The following TENM4 variants were observed in gnomAD, a reference collection of about 807,000 sequenced individuals.
The protein encoded by TENM4 is teneurin-4.
TENM4 carries 82 observed loss-of-function variants against 243.3 expected under a neutral mutation model. That is an observed-to-expected ratio of 0.34 (90% CI 0.28 to 0.40). The LOEUF (loss-of-function observed/expected upper bound fraction) is 0.40. Ranked by LOEUF, TENM4 falls within the 10% of genes least tolerant of loss-of-function variation. TENM4 has a pLI of 1.00. For missense variants in TENM4, 3,138 were observed against 3,673.3 expected (o/e 0.85, Z 3.77); for synonymous variants, 1,412 against 1,456.3 (o/e 0.97, Z 0.69).
chr11:78,812,413 T>C, intron 13 of TENM4, 97 bp from the exon 14 acceptor site: 2 of 1,359,596 alleles, frequency 1.5e-6, no homozygotes, highest in Admixed American at 4.2e-5. Context: ...GCTTCACCAG[T>C]AGCCTCAACT....
intron 5 of TENM4, among the ~76,000 whole-genome samples, chr11:79,069,414 G>A (rs1415665401): frequency 6.6e-6 from 1 of 152,204 alleles, no homozygotes; most frequent in East Asian, 1.9e-4. Context: ...GTTGAGGACT[G>A]AGGCTTAGAG....
At chr11:78,855,471 G>A (rs1008898176) in intron 11 of TENM4, among the ~76,000 whole-genome samples, 5 of 152,200 alleles carry the variant, frequency 3.3e-5, no homozygotes, top group African/African-American at 1.2e-4. Context: ...GACTAGGGAA[G>A]AATCATTTAT....
Position 78,881,977 on chromosome 11 carries a change from C to T in TENM4, c.1084+7808G>A, listed in dbSNP as rs78715481. Among the ~76,000 whole-genome samples, 235 of 152,316 alleles carry T rather than the reference C, an allele frequency of 1.5e-3. 2 individuals carry two copies. The highest frequency in any genetic ancestry group is 0.012 in the East Asian group (61 of 5,186). On this transcript the variant is annotated intron_variant, in intron 9 of 33. Transcript: ENST00000278550. ...AGGAATCGATCTTGGAGAGAGAAGG[C>T]GTTAATGCAGGATCCTGTATCTTTA...
chr11:78,848,152 CTT>C (rs1222205082), intron 12 of TENM4, among the ~76,000 whole-genome samples: 2 of 143,802 alleles, frequency 1.4e-5, no homozygotes, highest in Admixed American at 7.0e-5. Flanking sequence ...TCCCTCCCTC[CTT>C]TTTTTTTTTT....
rs1010508551 is a variant in TENM4 at position 79,242,899 on chromosome 11, A to G, written c.-264-26990T>C. On this transcript the variant is annotated intron_variant, in intron 2 of 33. Transcript: ENST00000278550. Reference sequence around the variant, plus strand: ...TAGTTCCCAAATCTGCCCCTTCCACAGTGTGTGAGGTATCCCTCCATGCAG... The same window carrying G: ...TAGTTCCCAAATCTGCCCCTTCCACGGTGTGTGAGGTATCCCTCCATGCAG... Among the ~76,000 whole-genome samples the G allele has an allele frequency of 4.6e-5, 7 of 152,222 alleles. No individual in the cohort carries two copies. The East Asian group carries it at 1.4e-3, about 29-fold the overall frequency.
intron 6 of TENM4, among the ~76,000 whole-genome samples, chr11:79,043,950 T>A (rs7937657): frequency 0.1 from 15,307 of 152,166 alleles, 1,741 homozygotes; most frequent in African/African-American, 0.27. Flanking sequence ...CTAGAGGAGG[T>A]GAACTGGTGA....
At chr11:79,420,121 T>C (rs1283918614) in intron 1 of TENM4, among the ~76,000 whole-genome samples, 1 of 152,242 alleles carries the variant, frequency 6.6e-6, no homozygotes, top group East Asian at 1.9e-4. Context: ...TTTTAGCTCC[T>C]TCAAGGATGC....
intron 6 of TENM4, among the ~76,000 whole-genome samples, chr11:78,924,899 C>T (rs1211833764): frequency 6.6e-6 from 1 of 152,198 alleles, no homozygotes; most frequent in Non-Finnish European, 1.5e-5. Context: ...CAGTTGCCCT[C>T]TCGGAAATCT....
At chr11:78,710,277 C>A (rs1859366359) in intron 26 of TENM4, among the ~76,000 whole-genome samples, 1 of 152,174 alleles carries the variant, frequency 6.6e-6, no homozygotes. Context: ...TTATTAATGA[C>A]CATTGTAAAA....
chr11:79,277,865 A>G (rs1160453310), intron 2 of TENM4, among the ~76,000 whole-genome samples: 1 of 152,186 alleles, frequency 6.6e-6, no homozygotes, highest in Non-Finnish European at 1.5e-5. Flanking sequence ...TGGCCCAGAA[A>G]TGCAGCTTGA....
chr11:78,736,485 C>CGT (rs1310151531), intron 20 of TENM4, among the ~76,000 whole-genome samples: 4 of 142,340 alleles, frequency 2.8e-5, no homozygotes, highest in African/African-American at 1.2e-4. Context: ...TGTGTGCGCG[C>CGT]GCGTGCATGT....
intron 19 of TENM4, among the ~76,000 whole-genome samples, chr11:78,751,734 G>A (rs912874388): frequency 2.0e-5 from 3 of 152,110 alleles, no homozygotes; most frequent in Non-Finnish European, 2.9e-5. Context: ...ACCCAACAAC[G>A]GGAAACAGCT....
intron 23 of TENM4, among the ~76,000 whole-genome samples, chr11:78,724,017 C>T (rs890087294): frequency 1.3e-5 from 2 of 151,238 alleles, no homozygotes; most frequent in Admixed American, 6.6e-5. Flanking sequence ...CTTGCCTACC[C>T]TCCCTCCTTC....
At chr11:78,664,898 A>G (rs139360737) in intron 32 of TENM4, among the ~76,000 whole-genome samples, 1 of 152,302 alleles carries the variant, frequency 6.6e-6, no homozygotes, top group Admixed American at 6.5e-5. Flanking sequence ...CCTTAATTAC[A>G]AGTGACGGAA....
intron 2 of TENM4, among the ~76,000 whole-genome samples, chr11:79,237,779 T>C (rs1042008031): frequency 1.3e-5 from 2 of 152,180 alleles, no homozygotes; most frequent in Non-Finnish European, 2.9e-5. Context: ...CACGGCCAAA[T>C]AGAAATGTGT....
At chr11:79,086,089 A>G (rs1591271225) in intron 4 of TENM4, among the ~76,000 whole-genome samples, 2 of 152,202 alleles carry the variant, frequency 1.3e-5, no homozygotes, top group East Asian at 3.9e-4. Flanking sequence ...CCTGTTTCCA[A>G]ACTCTTGTGT....
At chr11:79,425,085 G>C (rs1162439457) in intron 1 of TENM4, among the ~76,000 whole-genome samples, 3 of 152,126 alleles carry the variant, frequency 2.0e-5, no homozygotes, top group Non-Finnish European at 4.4e-5. Context: ...TGAGATCTGA[G>C]TGGCGTACCC....
At chr11:79,085,500 C>A (rs1352091756) in intron 4 of TENM4, among the ~76,000 whole-genome samples, 2 of 151,850 alleles carry the variant, frequency 1.3e-5, no homozygotes, top group Non-Finnish European at 2.9e-5. Context: ...CTCTAAGCCT[C>A]AATTTCCTTA....
Position 79,150,698 on chromosome 11 carries a change from C to T in TENM4, c.-162-1892G>A, listed in dbSNP as rs149791338. Among the ~76,000 whole-genome samples the T allele has an allele frequency of 1.7e-3, 253 of 152,288 alleles. 1 individual carries two copies. The highest frequency in any genetic ancestry group is 5.7e-3 in the African/African-American group (236 of 41,564). On this transcript the variant is annotated intron_variant, in intron 3 of 33. Coordinates refer to ENST00000278550, the MANE Select transcript of TENM4 (RefSeq NM_001098816.3). ...GACCCCTTCCCTCTAGAAATTCCTG[C>T]CTCCATATCAGCAACACCAGTTTCT...
Sources: gnomAD v4.1 joint callset for allele counts (sites outside exome capture counted in the v4.1 genomes callset) on GRCh38, gnomAD v4.1.1 for gene constraint, MANE v1.5 for transcripts, NCBI Gene and HGNC (gene_info 2026-07-23, HGNC 2026-07-21) for gene names.